The following SASH1 variants were observed in gnomAD, a reference collection of about 807,000 sequenced individuals.
SASH1 encodes the protein SAM and SH3 domain-containing protein 1.
In SASH1, 44 loss-of-function variants were observed where a neutral mutation model predicts 125.2. The observed-to-expected ratio is 0.35, with a 90% CI of 0.28 to 0.45. The LOEUF (loss-of-function observed/expected upper bound fraction) is 0.45, where lower values mean the gene tolerates loss of function less well. Among genes scored for constraint, SASH1 ranks in the 20% least tolerant of loss-of-function variants. The pLI is 1.00. For missense variants in SASH1, 1,426 were observed against 1,614.5 expected, an observed-to-expected ratio of 0.88 and a Z score of 2.00; for synonymous variants, 639 against 649.1, an observed-to-expected ratio of 0.98 and a Z score of 0.24.
At chr6:148,313,915 T>C (rs545304380) in intron 1 of SASH1, among the ~76,000 whole-genome samples, 3 of 152,334 alleles carry the variant, frequency 2.0e-5, no homozygotes, top group Non-Finnish European at 4.4e-5. Flanking sequence ...TGCATAGCTC[T>C]GATTTTTGGT....
chr6:148,229,731 T>TTA, the SASH1 span, among the ~76,000 whole-genome samples: 1 of 135,442 alleles, frequency 7.4e-6, no homozygotes, highest in Non-Finnish European at 1.6e-5. Context: ...TTTTTTTTTT[T>TTA]TTTTTTTTGA....
chr6:148,320,147 A>G (rs1002473656), intron 1 of SASH1, among the ~76,000 whole-genome samples: 5 of 152,260 alleles, frequency 3.3e-5, no homozygotes, highest in African/African-American at 9.6e-5. Flanking sequence ...TGTATGAGAA[A>G]AAACATAATA....
In SASH1 at chr6:148,471,421, A is replaced by G. The variant is rs199587408; in HGVS notation, c.432A>G (p.Lys144=). 9.9e-5 allele frequency: 116 copies of G among 1,168,158 alleles called. No individual in the cohort carries two copies. In the East Asian group the frequency reaches 2.5e-3, roughly 25 times the overall value. 72.4% of individuals were successfully genotyped at this position (1,168,158 alleles called of 1,614,324 possible). A position where few individuals can be genotyped will look rare whatever the true frequency, so the allele number is the denominator to read the frequency against. The change falls in exon 6 of 20, where the codon AAA becomes AAG. Residue 144 remains lysine (K), a synonymous_variant. Coordinates refer to ENST00000367467, the MANE Select transcript of SASH1 (RefSeq NM_015278.5). ...TTTTTTTTTTTTTTTTTTAAGGAAA[A>G]GGAGACTGGAAGAAGAAAAATAAGT... ...KSNSEDSSVG[K]GDWKKKNKYF...
rs747903913 is a variant in SASH1, at chr6:148,277,994, C to T, written n.74+5617C>T. ...CCTCCCAAAGTGCTGGGATTGCAGGCGTGAGCCACTGCTCCCGGCCTTGTT... is the reference window on the plus strand; with the variant it reads ...CCTCCCAAAGTGCTGGGATTGCAGGTGTGAGCCACTGCTCCCGGCCTTGTT... On this transcript the variant is annotated intron_variant and non_coding_transcript_variant, in intron 1 of 3. Coordinates refer to the SASH1 transcript ENST00000367469. Among the ~76,000 whole-genome samples the T allele has an allele frequency of 3.3e-5, 5 of 151,820 alleles. No homozygotes were observed. In the East Asian group the frequency reaches 5.9e-4, roughly 18 times the overall value.
intron 8 of SASH1, among the ~76,000 whole-genome samples, chr6:148,505,492 G>A (rs780406177): frequency 6.6e-6 from 1 of 152,020 alleles, no homozygotes; most frequent in Non-Finnish European, 1.5e-5. Context: ...TGTATTTTTA[G>A]TAGAGACCAT....
At chr6:148,378,810 G>C (rs1783015954) in intron 1 of SASH1, among the ~76,000 whole-genome samples, 1 of 152,214 alleles carries the variant, frequency 6.6e-6, no homozygotes. Flanking sequence ...TGGGTCTGCT[G>C]TCAAGGATCA....
At chr6:148,400,192 T>C (rs1784117282) in intron 2 of SASH1, among the ~76,000 whole-genome samples, 1 of 152,128 alleles carries the variant, frequency 6.6e-6, no homozygotes, top group South Asian at 2.1e-4. Context: ...TTTGAGACTG[T>C]AGGAGATGAC....
chr6:148,200,872 C>T, the SASH1 span, among the ~76,000 whole-genome samples: 1 of 152,138 alleles, frequency 6.6e-6, no homozygotes, highest in South Asian at 2.1e-4. Context: ...CCACCCGTGT[C>T]CTCCTCAAAG....
chr6:148,387,464 TTTCTC>T (rs772663455), intron 1 of SASH1, among the ~76,000 whole-genome samples: 98 of 151,452 alleles, frequency 6.5e-4, no homozygotes, highest in African/African-American at 1.8e-3. Flanking sequence ...TTTCTTCTCT[TTTCTC>T]TTCTCTTCTC....
At chr6:148,361,018 CG>C (rs1411115768) in intron 1 of SASH1, among the ~76,000 whole-genome samples, 2 of 151,944 alleles carry the variant, frequency 1.3e-5, no homozygotes, top group Admixed American at 6.6e-5. Flanking sequence ...CAGATGTGCA[CG>C]GGGGGAAGAT....
chr6:148,508,320 T>G (rs1583274194), intron 8 of SASH1: 1 of 190,986 alleles, frequency 5.2e-6, no homozygotes, highest in Non-Finnish European at 9.6e-6. Context: ...CTTAAGGGGG[T>G]GTTCAGAAGA....
chr6:148,431,173 G>A (rs1776043867), intron 2 of SASH1, among the ~76,000 whole-genome samples: 1 of 152,160 alleles, frequency 6.6e-6, no homozygotes, highest in South Asian at 2.1e-4. Flanking sequence ...AGCTGATTTA[G>A]TGGGGAGTGA....
rs531774089 is a variant in SASH1, at chr6:148,549,961, C to T, written c.*1403C>T. 6.7e-4 allele frequency: 108 copies of T among 161,742 alleles called. No homozygotes were observed. Among genetic ancestry groups the T allele is most frequent in the African/African-American group, 2.5e-3 (107 of 42,066 alleles). 10.0% of individuals were successfully genotyped at this position (161,742 alleles called of 1,614,324 possible). On this transcript the variant is annotated 3_prime_UTR_variant, in exon 20 of 20. Coordinates refer to ENST00000367467, the MANE Select transcript of SASH1 (RefSeq NM_015278.5). ...AGTAGCTGGGATTATAGGCACCCAC[C>T]ACCACGCCCAGCTAATTTTTGTATT... is the stretch of plus-strand genomic sequence containing the variant.
intron 1 of SASH1, among the ~76,000 whole-genome samples, chr6:148,310,526 A>G (rs1031234548): frequency 1.1e-4 from 16 of 152,172 alleles, no homozygotes; most frequent in African/African-American, 3.9e-4. Context: ...CATAAAAGAA[A>G]ACATGGATAA....
At chr6:148,403,315 G>A (rs998338219) in intron 2 of SASH1, among the ~76,000 whole-genome samples, 1 of 151,736 alleles carries the variant, frequency 6.6e-6, no homozygotes, top group Non-Finnish European at 1.5e-5. Context: ...ATGTTGCCTG[G>A]TCTGGCCTCG....
chr6:148,259,225 A>G, the SASH1 span, among the ~76,000 whole-genome samples: 1 of 152,180 alleles, frequency 6.6e-6, no homozygotes, highest in Non-Finnish European at 1.5e-5. Flanking sequence ...TCGGAAAGTT[A>G]AAACAGAACC....
chr6:148,219,676 C>A, the SASH1 span, among the ~76,000 whole-genome samples: 1 of 152,150 alleles, frequency 6.6e-6, no homozygotes, highest in Admixed American at 6.5e-5. Flanking sequence ...GCTAAGGGAA[C>A]GTACCCACTG....
chr6:148,489,828 C>T (rs373831555), intron 8 of SASH1, among the ~76,000 whole-genome samples: 1 of 146,028 alleles, frequency 6.8e-6, no homozygotes, highest in East Asian at 2.0e-4. Context: ...TGTCACTTTG[C>T]TGAATTTATT....
intron 9 of SASH1, among the ~76,000 whole-genome samples, chr6:148,516,658 T>C (rs1010270814): frequency 1.3e-5 from 2 of 152,104 alleles, no homozygotes; most frequent in African/African-American, 4.8e-5. Flanking sequence ...TATATTCTCT[T>C]TAATGTCATC....
Sources: allele counts gnomAD v4.1 joint callset (sites outside exome capture counted in the v4.1 genomes callset), GRCh38; gene constraint gnomAD v4.1.1; transcripts MANE v1.5; gene names NCBI Gene and HGNC (gene_info 2026-07-23, HGNC 2026-07-21).